The following TUSC3 variants were observed in gnomAD, a reference collection of about 807,000 sequenced individuals.
TUSC3 encodes the protein tumor suppressor candidate 3, also known as dolichyl-diphosphooligosaccharide--protein glycosyltransferase subunit TUSC3.
Under a neutral mutation model 44.8 loss-of-function variants are expected in TUSC3, and 45 were observed. That is an observed-to-expected ratio of 1.00 (90% CI 0.79 to 1.29). The LOEUF (loss-of-function observed/expected upper bound fraction) is 1.29, where lower values mean the gene tolerates loss of function less well. Ranked by LOEUF, TUSC3 falls within the 50% of genes most tolerant of loss-of-function variation. The pLI, the probability that TUSC3 is intolerant of heterozygous loss-of-function variation, is 0.00. For synonymous variants in TUSC3, 212 were observed against 152.9 expected (o/e 1.39, Z -2.85); for missense variants, 519 against 437.9 (o/e 1.19, Z -1.65).
At chr8:15,551,269 T>G (rs1006369371) in intron 1 of TUSC3, among the ~76,000 whole-genome samples, 3 of 151,714 alleles carry the variant, frequency 2.0e-5, no homozygotes, top group African/African-American at 7.2e-5. Flanking sequence ...TAGAGTAGAC[T>G]TTTAGATCCT....
intron 1 of TUSC3, among the ~76,000 whole-genome samples, chr8:15,581,947 T>C (rs558154404): frequency 5.3e-5 from 8 of 150,042 alleles, no homozygotes; most frequent in South Asian, 4.2e-4. Context: ...ACTGCTGTGC[T>C]AGCAGTCAGC....
intron 6 of TUSC3, among the ~76,000 whole-genome samples, chr8:15,700,452 G>A (rs890348229): frequency 1.3e-5 from 2 of 152,104 alleles, no homozygotes; most frequent in Admixed American, 1.3e-4. Flanking sequence ...AGAGTAAGTA[G>A]GAGTGAAAGA....
chr8:15,712,967 T>G (rs995566708), intron 6 of TUSC3, among the ~76,000 whole-genome samples: 1 of 152,176 alleles, frequency 6.6e-6, no homozygotes, highest in African/African-American at 2.4e-5. Flanking sequence ...CACCAGTTAT[T>G]TCCATGCTGT....
intron 1 of TUSC3, among the ~76,000 whole-genome samples, chr8:15,462,920 A>G (rs1356079528): frequency 2.0e-5 from 3 of 152,062 alleles, no homozygotes; most frequent in South Asian, 2.1e-4. Flanking sequence ...TTCAAAACCA[A>G]TTTTTCAGGT....
At chr8:15,529,984 A>C (rs1266637652) in intron 2 of TUSC3, among the ~76,000 whole-genome samples, 11 of 114,492 alleles carry the variant, frequency 9.6e-5, no homozygotes, top group Non-Finnish European at 1.7e-4. Flanking sequence ...ACGGGGTTTC[A>C]CCTTGTTAGC....
chr8:15,609,001 G>T (rs1245517986), intron 1 of TUSC3, among the ~76,000 whole-genome samples: 1 of 152,130 alleles, frequency 6.6e-6, no homozygotes, highest in Non-Finnish European at 1.5e-5. Context: ...TGAAAAACAA[G>T]CGTTGGAAAT....
At chr8:15,743,971 CAT>C (rs1306821163) in intron 8 of TUSC3, among the ~76,000 whole-genome samples, 2 of 152,144 alleles carry the variant, frequency 1.3e-5, no homozygotes, top group Non-Finnish European at 2.9e-5. Context: ...TGGCATGTAA[CAT>C]ATTCCCTCTG....
At chr8:15,779,023 T>G in the TUSC3 span, among the ~76,000 whole-genome samples, 1 of 152,068 alleles carries the variant, frequency 6.6e-6, no homozygotes, top group Non-Finnish European at 1.5e-5. Context: ...AGGACTGGAG[T>G]TGGAATAGTC....
the TUSC3 span, among the ~76,000 whole-genome samples, chr8:15,849,178 A>T: frequency 1.3e-5 from 2 of 152,178 alleles, no homozygotes; most frequent in Non-Finnish European, 2.9e-5. Context: ...AAAACATTAT[A>T]ATGTAACGTA....
At chr8:15,592,391 C>T (rs1033003508) in intron 1 of TUSC3, among the ~76,000 whole-genome samples, 1 of 152,066 alleles carries the variant, frequency 6.6e-6, no homozygotes, top group African/African-American at 2.4e-5. Context: ...AAAATGTGAT[C>T]CCAATGTTGG....
downstream of TUSC3, among the ~76,000 whole-genome samples, chr8:15,767,446 A>C (rs1050357450): frequency 4.0e-5 from 6 of 151,532 alleles, no homozygotes; most frequent in Non-Finnish European, 7.4e-5. Flanking sequence ...AAAAAAAAAA[A>C]CACTGTCACA....
intron 6 of TUSC3, among the ~76,000 whole-genome samples, chr8:15,715,942 G>T (rs1000847011): frequency 1.3e-5 from 2 of 152,010 alleles, no homozygotes; most frequent in Admixed American, 1.3e-4. Context: ...CGTAAAATGA[G>T]TTTTGACTGT....
chr8:15,715,319 A>G, intron 6 of TUSC3, among the ~76,000 whole-genome samples: 1 of 152,300 alleles, frequency 6.6e-6, no homozygotes, highest in Non-Finnish European at 1.5e-5. Flanking sequence ...ATATTCTGTA[A>G]TAAATTATGT....
At chr8:15,473,815 A>G (rs112299881) in intron 1 of TUSC3, among the ~76,000 whole-genome samples, 234 of 152,312 alleles carry the variant, frequency 1.5e-3, no homozygotes, top group African/African-American at 5.5e-3. Context: ...AACTACTGAT[A>G]AGGGTCTGTG....
intron 1 of TUSC3, among the ~76,000 whole-genome samples, chr8:15,473,361 T>C (rs944938536): frequency 6.6e-6 from 1 of 152,228 alleles, no homozygotes; most frequent in Non-Finnish European, 1.5e-5. Context: ...TCCCATACCC[T>C]GTCCTTGCTA....
intron 6 of TUSC3, among the ~76,000 whole-genome samples, chr8:15,702,524 G>A (rs1421222497): frequency 6.6e-6 from 1 of 152,090 alleles, no homozygotes; most frequent in African/African-American, 2.4e-5. Context: ...TGAGGTGGGT[G>A]TTCACACTGT....
chr8:15,759,953 A>G (rs1468434276), intron 10 of TUSC3, among the ~76,000 whole-genome samples: 1 of 151,992 alleles, frequency 6.6e-6, no homozygotes, highest in East Asian at 1.9e-4. Flanking sequence ...TCTTTATGTT[A>G]TTTGGCCTAC....
At chr8:15,569,345 A>G (rs887728096) in intron 1 of TUSC3, among the ~76,000 whole-genome samples, 11 of 152,288 alleles carry the variant, frequency 7.2e-5, no homozygotes, top group African/African-American at 2.6e-4. Flanking sequence ...TGGAAAATAT[A>G]TACTCCATAA....
intron 6 of TUSC3, chr8:15,689,612 A>C (rs755342590): frequency 6.4e-6 from 1 of 155,906 alleles, no homozygotes; most frequent in South Asian, 1.9e-4. Flanking sequence ...ATGCCTGGCA[A>C]TCGTGGCTGT....
Sources: gnomAD v4.1 joint callset for allele counts (sites outside exome capture counted in the v4.1 genomes callset) on GRCh38, gnomAD v4.1.1 for gene constraint, MANE v1.5 for transcripts, NCBI Gene and HGNC (gene_info 2026-07-23, HGNC 2026-07-21) for gene names.